Variants in TBX15 observed in about 807,000 individuals in gnomAD.
TBX15 encodes T-box transcription factor 15.
Under a neutral mutation model 53.9 loss-of-function variants are expected in TBX15, and 18 were observed. That is an observed-to-expected ratio of 0.33 (90% confidence interval 0.23 to 0.49). TBX15 has a LOEUF of 0.49. TBX15 is among the 20% of genes least tolerant of loss of function. The pLI is 0.98. For synonymous variants in TBX15, 295 were observed against 278.0 expected (o/e 1.06, Z -0.61); for missense variants, 692 against 749.5 (o/e 0.92, Z 0.90).
intron 1 of TBX15, among the ~76,000 whole-genome samples, chr1:118,968,379 G>T (rs1657123309): frequency 6.6e-6 from 1 of 151,946 alleles, no homozygotes; most frequent in Non-Finnish European, 1.5e-5. Flanking sequence ...ACTAATTTTT[G>T]TATTTTTAGT....
chr1:118,940,864 G>A (rs558789842), intron 1 of TBX15, among the ~76,000 whole-genome samples: 3 of 151,684 alleles, frequency 2.0e-5, no homozygotes, highest in East Asian at 1.9e-4. Flanking sequence ...GAAAATATTC[G>A]TGATGAACAC....
At chr1:118,903,073 CCT>C in intron 6 of TBX15, among the ~76,000 whole-genome samples, 1 of 152,198 alleles carries the variant, frequency 6.6e-6, no homozygotes, top group Non-Finnish European at 1.5e-5. Flanking sequence ...CAAGTGTCCC[CCT>C]CTTGCTCATT....
chr1:118,978,551 TC>T (rs1657516166), intron 1 of TBX15, among the ~76,000 whole-genome samples: 1 of 152,096 alleles, frequency 6.6e-6, no homozygotes, highest in African/African-American at 2.4e-5. Context: ...AAAACAAATA[TC>T]CCTGGTTCCA....
rs12731913 is a variant in TBX15 at position 118,893,485 on chromosome 1, G to A, written c.1024+5543C>T. Among the ~76,000 whole-genome samples, 521 of 71,814 alleles carry A rather than the reference G, an allele frequency of 7.3e-3. 2 individuals are homozygous for A. Among genetic ancestry groups the A allele is most frequent in the South Asian group, 0.022 (40 of 1,856 alleles). The allele number at this position is 71,814 out of a possible 152,430, so 47.1% of individuals were successfully genotyped here. ...GGAAAGAAAGGAAGGAAGGAAGGAA[G>A]GAAAGAAAGAAAGAAAGAAAGAAAG... On this transcript the variant is annotated intron_variant, in intron 7 of 7. Transcript: ENST00000369429.
rs561001646 is a variant in TBX15, at chr1:118,922,509, C to T, written c.861+927G>A. Among the ~76,000 whole-genome samples, 28 of 152,212 alleles carry T rather than the reference C, an allele frequency of 1.8e-4. 1 individual carries two copies. The highest frequency in any genetic ancestry group is 1.7e-3 in the South Asian group (8 of 4,820). ...AGTCCTCATAGCTCTACGAGGCAGG[C>T]GCATTTTCAAGACCGGAAACACAAG... On this transcript the variant is annotated intron_variant, in intron 5 of 7. Coordinates refer to ENST00000369429, the MANE Select transcript of TBX15 (RefSeq NM_001330677.2).
intron 6 of TBX15, among the ~76,000 whole-genome samples, chr1:118,899,893 T>A (rs138766183): frequency 6.4e-4 from 98 of 152,352 alleles, no homozygotes; most frequent in Middle Eastern, 3.4e-3. Context: ...CTGGTTCATT[T>A]GTATTGGAAA....
chr1:118,889,738 G>A (rs758710809), intron 7 of TBX15, among the ~76,000 whole-genome samples: 5 of 151,992 alleles, frequency 3.3e-5, no homozygotes, highest in Non-Finnish European at 7.4e-5. Context: ...TTGAGAAATA[G>A]GTAAGATATA....
chr1:118,929,764 C>T (rs188403813), intron 2 of TBX15, among the ~76,000 whole-genome samples: 59 of 151,974 alleles, frequency 3.9e-4, no homozygotes, highest in African/African-American at 1.3e-3. Flanking sequence ...CAGGGAATAA[C>T]GAAGTGATAT....
At position 118,905,245 on chromosome 1, in the gene TBX15, C is replaced by T. The variant is rs144767960; in HGVS notation, c.927-6120G>A. Among the ~76,000 whole-genome samples, 124 of 152,290 alleles carry T rather than the reference C, an allele frequency of 8.1e-4. 1 individual carries two copies. The highest frequency in any genetic ancestry group is 2.7e-3 in the African/African-American group (113 of 41,572). ...TTCTCAAAGAAACAAAAACGTGTCC[C>T]TCAAGTCCCTCTAGGCCTCATTATC... is the stretch of plus-strand genomic sequence containing the variant. On this transcript the variant is annotated intron_variant, in intron 6 of 7. Transcript: ENST00000369429.
At position 118,884,067 on chromosome 1, in the gene TBX15, T is replaced by G. The variant is rs1653828912; in HGVS notation, c.*665A>C. 1 of 153,312 alleles carries G rather than the reference T, an allele frequency of 6.5e-6. No homozygotes were observed. Among genetic ancestry groups the G allele is most frequent in the African/African-American group, 2.4e-5 (1 of 41,448 alleles). The allele number at this position is 153,312 out of a possible 1,614,324, so 9.5% of individuals were successfully genotyped here. On this transcript the variant is annotated 3_prime_UTR_variant, in exon 8 of 8. Transcript: ENST00000369429. ...AGAGAGCCAAAGTTCAAAAGCAATC[T>G]TTTTCCGGAAGCCAAGTCCAGTTGT...
At chr1:118,939,288 T>C (rs945678289) in intron 1 of TBX15, among the ~76,000 whole-genome samples, 2 of 150,980 alleles carry the variant, frequency 1.3e-5, no homozygotes, top group Non-Finnish European at 3.0e-5. Context: ...GTGCCTGTAG[T>C]CCTAGCTACT....
intron 7 of TBX15, among the ~76,000 whole-genome samples, chr1:118,886,083 G>A (rs1030752093): frequency 1.3e-5 from 2 of 152,146 alleles, no homozygotes; most frequent in South Asian, 4.1e-4. Flanking sequence ...GAGGCCTGGG[G>A]GTGCAGAGCA....
intron 1 of TBX15, among the ~76,000 whole-genome samples, chr1:118,947,343 T>C (rs1345268431): frequency 6.6e-6 from 1 of 152,170 alleles, no homozygotes; most frequent in Non-Finnish European, 1.5e-5. Flanking sequence ...GTCATTAAAG[T>C]GAATAATAAA....
intron 1 of TBX15, 89 bp from the exon 2 acceptor site, chr1:118,931,921 A>C: frequency 7.6e-7 from 1 of 1,317,694 alleles, no homozygotes; most frequent in South Asian, 1.4e-5. Context: ...AAATGCAATG[A>C]AGTGGGGAGA....
At chr1:118,897,087 A>G (rs1654455512) in intron 7 of TBX15, among the ~76,000 whole-genome samples, 1 of 152,186 alleles carries the variant, frequency 6.6e-6, no homozygotes, top group African/African-American at 2.4e-5. Flanking sequence ...AATGTCAATA[A>G]TAACCCTTCA....
chr1:118,952,239 A>G (rs997016120), intron 1 of TBX15, among the ~76,000 whole-genome samples: 11 of 152,190 alleles, frequency 7.2e-5, no homozygotes, highest in African/African-American at 2.7e-4. Context: ...TAATACATGT[A>G]CAAAATATGT....
At chr1:118,970,290 G>A (rs10923714) in intron 1 of TBX15, among the ~76,000 whole-genome samples, 55,579 of 151,996 alleles carry the variant, frequency 0.37, 11,048 homozygotes, top group Non-Finnish European at 0.44. Context: ...TCCACTTTGC[G>A]GGATTTAGAA....
chr1:118,895,970 T>A (rs548999226), intron 7 of TBX15, among the ~76,000 whole-genome samples: 1 of 152,234 alleles, frequency 6.6e-6, no homozygotes, highest in Non-Finnish European at 1.5e-5. Context: ...ACTACAGATA[T>A]GATACTAGAC....
At chr1:118,932,033 T>G (rs1163378655) in intron 1 of TBX15, among the ~76,000 whole-genome samples, 1 of 152,184 alleles carries the variant, frequency 6.6e-6, no homozygotes, top group Non-Finnish European at 1.5e-5. Flanking sequence ...ATGACCTTCT[T>G]TCAGGTTTCG....
Sources: allele counts gnomAD v4.1 joint callset (sites outside exome capture counted in the v4.1 genomes callset), GRCh38; gene constraint gnomAD v4.1.1; transcripts MANE v1.5; gene names NCBI Gene and HGNC (gene_info 2026-07-23, HGNC 2026-07-21).